Variants in HYDIN observed in about 807,000 individuals in gnomAD.
The protein encoded by HYDIN is axonemal central pair apparatus protein HYDIN.
In HYDIN, 132 loss-of-function variants were observed where a neutral mutation model predicts 403.9. The observed-to-expected ratio is 0.33, with a 90% CI of 0.28 to 0.38. The LOEUF is 0.38. Ranked by LOEUF, HYDIN falls within the 10% of genes least tolerant of loss-of-function variation. The pLI, the probability that HYDIN is intolerant of heterozygous loss-of-function variation, is 1.00. For missense variants in HYDIN, 2,827 were observed against 5,009.5 expected (o/e 0.56, Z 13.15); for synonymous variants, 1,202 against 1,891.7 (o/e 0.64, Z 9.46).
intron 84 of HYDIN, 118 bp from the exon 85 acceptor site, chr16:70,810,125 C>T: frequency 1.1e-6 from 1 of 907,782 alleles, no homozygotes; most frequent in South Asian, 1.5e-5. Flanking sequence ...CATGATCATG[C>T]TGTTCTTGCT....
rs1597813844 is a variant in HYDIN at position 71,116,560 on chromosome 16, G to A, written c.1228-765C>T. ...GGGATATACCCAGATGAGGGATTGT[G>A]GGATCACATGACAGTTCTATTTATG... On this transcript the variant is annotated intron_variant, in intron 9 of 85. Coordinates refer to ENST00000393567, the MANE Select transcript of HYDIN (RefSeq NM_001270974.2). 2.6e-5 allele frequency among the ~76,000 whole-genome samples: 4 copies of A among 152,026 alleles called. No individual in the cohort carries two copies. The South Asian group carries it at 8.3e-4, about 32-fold the overall frequency.
intron 1 of HYDIN, among the ~76,000 whole-genome samples, chr16:71,211,660 A>T (rs1250247563): frequency 6.6e-6 from 1 of 150,670 alleles, no homozygotes. Context: ...AAAAAAAAAA[A>T]TCTCCCCTGG....
At chr16:71,105,215 T>C (rs2083576500) in intron 10 of HYDIN, among the ~76,000 whole-genome samples, 2 of 151,992 alleles carry the variant, frequency 1.3e-5, no homozygotes, top group South Asian at 2.1e-4. Flanking sequence ...ATTAGTCAAC[T>C]AGAAGAAAGA....
chr16:71,039,103 A>G (rs1318672425), intron 18 of HYDIN, among the ~76,000 whole-genome samples: 2 of 151,770 alleles, frequency 1.3e-5, no homozygotes, highest in African/African-American at 4.8e-5. Context: ...CATAATCAGA[A>G]GTGTGGGCTT....
At chr16:70,950,798 T>C (rs1469446425) in intron 41 of HYDIN, among the ~76,000 whole-genome samples, 1 of 152,110 alleles carries the variant, frequency 6.6e-6, no homozygotes, top group Non-Finnish European at 1.5e-5. Context: ...TCTTCTTAAT[T>C]CCTTCTCTAC....
intron 4 of HYDIN, among the ~76,000 whole-genome samples, chr16:71,177,782 C>G (rs1158836789): frequency 6.6e-6 from 1 of 152,222 alleles, no homozygotes; most frequent in East Asian, 1.9e-4. Flanking sequence ...ACTTTTCACA[C>G]TCAAGTATGC....
chr16:71,224,495 A>G (rs2040940719), intron 1 of HYDIN, among the ~76,000 whole-genome samples: 1 of 152,132 alleles, frequency 6.6e-6, no homozygotes, highest in Non-Finnish European at 1.5e-5. Context: ...TTGCTCTGAA[A>G]TGATTGATGA....
At chr16:70,836,937 C>T (rs894731961) in intron 77 of HYDIN, among the ~76,000 whole-genome samples, 2 of 152,268 alleles carry the variant, frequency 1.3e-5, no homozygotes, top group Non-Finnish European at 2.9e-5. Context: ...GACACATTAG[C>T]TGGTAATGTC....
chr16:71,163,710 C>G (rs1240296854), intron 5 of HYDIN, among the ~76,000 whole-genome samples: 3 of 152,172 alleles, frequency 2.0e-5, no homozygotes, highest in African/African-American at 7.2e-5. Flanking sequence ...GCCAGCTGAT[C>G]CCCAGATATG....
intron 75 of HYDIN, among the ~76,000 whole-genome samples, chr16:70,841,429 T>C (rs2037812927): frequency 5.9e-5 from 9 of 152,072 alleles, no homozygotes; most frequent in Admixed American, 5.9e-4. Context: ...AGAAGATGGC[T>C]GCAACTTTGC....
intron 5 of HYDIN, among the ~76,000 whole-genome samples, chr16:71,163,129 T>C: frequency 6.8e-6 from 1 of 147,470 alleles, no homozygotes; most frequent in Non-Finnish European, 1.5e-5. Flanking sequence ...CTTTTTTTTT[T>C]TTTTTTTTTT....
At chr16:70,808,367 T>G (rs976870321) in intron 85 of HYDIN, among the ~76,000 whole-genome samples, 3 of 152,142 alleles carry the variant, frequency 2.0e-5, no homozygotes, top group Non-Finnish European at 2.9e-5. Context: ...TTTCCTTCCA[T>G]GTACATGGAA....
chr16:70,812,818 C>T (rs545333953), intron 84 of HYDIN, among the ~76,000 whole-genome samples: 4 of 152,252 alleles, frequency 2.6e-5, no homozygotes, highest in Non-Finnish European at 5.9e-5. Context: ...CAATAATCCC[C>T]ACCTCTGGGG....
intron 40 of HYDIN, among the ~76,000 whole-genome samples, chr16:70,954,358 C>T (rs1259443196): frequency 4.3e-5 from 5 of 115,314 alleles, no homozygotes; most frequent in Admixed American, 2.0e-4. Context: ...ACTCTGGAGG[C>T]GAATGTGGGA....
At chr16:71,224,783 G>C (rs1351718935) in intron 1 of HYDIN, among the ~76,000 whole-genome samples, 3 of 151,686 alleles carry the variant, frequency 2.0e-5, no homozygotes, top group Non-Finnish European at 4.4e-5. Context: ...GGATGGTCTC[G>C]ATCTCCTGAC....
chr16:70,925,809 T>C lies in HYDIN; in HGVS notation c.7159-4592A>G, dbSNP rs112912897. ...TCAAAAAGTGGGCGAAGGACATGAA[T>C]AGACACTTCTCAAAAGAAGATATTT... On this transcript the variant is annotated intron_variant, in intron 45 of 85. Coordinates refer to ENST00000393567, the MANE Select transcript of HYDIN (RefSeq NM_001270974.2). Among the ~76,000 whole-genome samples the C allele has an allele frequency of 4.9e-4, 74 of 152,102 alleles. 1 individual carries two copies. The highest frequency in any genetic ancestry group is 3.4e-3 in the Middle Eastern group (1 of 294).
In HYDIN at chr16:70,862,103, T is replaced by C; in HGVS notation, c.11722A>G (p.Lys3908Glu). 4 of 1,611,380 alleles carry C rather than the reference T, an allele frequency of 2.5e-6. No homozygotes were observed. The highest frequency in any genetic ancestry group is 2.2e-5 in the South Asian group (2 of 90,448). The part of the protein sequence containing the change: ...IVPVGKIQKF[K>E]VKFSPLDIGD... Reference sequence around the variant, plus strand: ...ATGTCCAACGGGGAGAATTTTACTTTGAACTTCTGAATCTTCCCCACCGGC... The same window carrying C: ...ATGTCCAACGGGGAGAATTTTACTTCGAACTTCTGAATCTTCCCCACCGGC... Residue 3908 changes from lysine to glutamate, a missense_variant, in exon 69 of 86, where the codon AAA (lysine) becomes GAA (glutamate). Transcript: ENST00000393567.
At chr16:70,850,347 T>G (rs2038545923) in intron 74 of HYDIN, 101 bp downstream of exon 74, 1 of 933,324 alleles carries the variant, frequency 1.1e-6, no homozygotes, top group Non-Finnish European at 1.6e-6. Flanking sequence ...CTGGTCTCTC[T>G]GGCATTTGAA....
chr16:70,963,079 G>A (rs891587197), intron 37 of HYDIN, among the ~76,000 whole-genome samples: 8 of 151,810 alleles, frequency 5.3e-5, no homozygotes, highest in Non-Finnish European at 1.0e-4. Context: ...GAGGTCCTTT[G>A]TACATTGCAG....
Sources: allele counts gnomAD v4.1 joint callset (sites outside exome capture counted in the v4.1 genomes callset), GRCh38; gene constraint gnomAD v4.1.1; transcripts MANE v1.5; gene names NCBI Gene and HGNC (gene_info 2026-07-23, HGNC 2026-07-21).